Variants in MTMR11 observed in about 807,000 individuals in gnomAD.
The protein encoded by MTMR11 is myotubularin-related protein 11.
MTMR11 carries 89 observed loss-of-function variants against 100.0 expected under a neutral mutation model. The ratio of observed to expected loss-of-function variants is 0.89; its 90% CI spans 0.75 to 1.06. The LOEUF (loss-of-function observed/expected upper bound fraction) is 1.06. MTMR11 is among the 50% of genes least tolerant of loss of function. MTMR11 has a pLI of 0.00. For synonymous variants in MTMR11, 336 were observed against 326.3 expected (o/e 1.03, Z -0.32); for missense variants, 809 against 873.7 (o/e 0.93, Z 0.93).
chr1:149,930,855 C>A lies in MTMR11; in HGVS notation c.1401G>T (p.Arg467Ser), dbSNP rs782758928. 1 of 1,612,238 alleles carries A rather than the reference C, an allele frequency of 6.2e-7. No individual in the cohort carries two copies. The highest frequency in any genetic ancestry group is 8.5e-7 in the Non-Finnish European group (1 of 1,179,372). The change falls in exon 14 of 17, where the codon AGG becomes AGT. Residue 467 changes from arginine (R) to serine (S), a missense_variant. By Grantham distance (110) the Arg-to-Ser change is moderately radical. Coordinates refer to ENST00000439741, the MANE Select transcript of MTMR11 (RefSeq NM_001145862.2). ...TCAGGAAGGTAAGGGTGTCAGGAACCCTGACACTGTCATGAAGAGCAAGAA... is the reference window on the plus strand; with the variant it reads ...TCAGGAAGGTAAGGGTGTCAGGAACACTGACACTGTCATGAAGAGCAAGAA... ...FFLLALHDSV[R>S]VPDTLTFLRN...
chr1:149,928,955 A>T lies in MTMR11; in HGVS notation c.*174T>A, dbSNP rs782150111. 76 of 1,613,622 alleles carry T rather than the reference A, an allele frequency of 4.7e-5. No individual in the cohort carries two copies. Among genetic ancestry groups the T allele is most frequent in the Non-Finnish European group, 5.8e-5 (69 of 1,179,820 alleles). On this transcript the variant is annotated 3_prime_UTR_variant, in exon 17 of 17. Coordinates refer to ENST00000439741, the MANE Select transcript of MTMR11 (RefSeq NM_001145862.2). ...TTTTTGTTTCTTAATCCTTCAAATG[A>T]CAAGAAGCAAAAATATTTGTAGAAA...
At chr1:149,930,203 T>C in intron 15 of MTMR11, 162 bp downstream of exon 15, 1 of 788,072 alleles carries the variant, frequency 1.3e-6, no homozygotes, top group Non-Finnish European at 2.0e-6. Flanking sequence ...CTAGGTCTTC[T>C]GTCTTCCTAG....
intron 10 of MTMR11, among the ~76,000 whole-genome samples, 157 bp from the exon 11 acceptor site, chr1:149,932,487 T>G (rs192753135): frequency 5.3e-5 from 8 of 152,348 alleles, no homozygotes; most frequent in Non-Finnish European, 1.0e-4. Flanking sequence ...TGTACAACAT[T>G]GTAAATATAA....
At position 149,935,370 on chromosome 1, in the gene MTMR11, C is replaced by T. The variant is rs782264352; in HGVS notation, c.265-11G>A. The T allele has an allele frequency of 6.2e-7, 1 of 1,613,490 alleles. No individual in the cohort carries two copies. On this transcript the variant is annotated splice_polypyrimidine_tract_variant and intron_variant, in intron 3 of 16. Coordinates refer to ENST00000439741, the MANE Select transcript of MTMR11 (RefSeq NM_001145862.2). ...GTTCAAGGGAGTGTCCTAGACGAAACACGTGACTGGGTAGACATCTGAAAT... is the reference window on the plus strand; with the variant it reads ...GTTCAAGGGAGTGTCCTAGACGAAATACGTGACTGGGTAGACATCTGAAAT...
Position 149,929,207 on chromosome 1 carries a change from T to C in MTMR11, c.2052A>G (p.Lys684=), listed in dbSNP as rs781861807. Residue 684 remains lysine (K), a synonymous_variant, in exon 17 of 17, where the codon AAA becomes AAG. Transcript: ENST00000439741. ...GATTGAGAATGGTATGTGGATCTCT[T>C]TTCTTGGAGTGATCCTCAGGAGATA... ...PRISPEDHSK[K]RDPHTILNPT... 10 of 1,613,896 alleles carry C rather than the reference T, an allele frequency of 6.2e-6. No individual in the cohort carries two copies. The African/African-American group carries it at 1.2e-4, about 19-fold the overall frequency.
chr1:149,933,679 G>A lies in MTMR11; in HGVS notation c.791C>T (p.Pro264Leu). The A allele has an allele frequency of 6.2e-7, 1 of 1,614,214 alleles. No individual in the cohort carries two copies. Among genetic ancestry groups the A allele is most frequent in the Non-Finnish European group, 8.5e-7 (1 of 1,180,036 alleles). The change falls in exon 9 of 17, where the codon CCT (proline) becomes CTT (leucine). Residue 264 changes from proline (P) to leucine (L), a missense_variant. Coordinates refer to ENST00000439741, the MANE Select transcript of MTMR11 (RefSeq NM_001145862.2). ...GRGPRLSWHH[P>L]GGSDLLRCGG... ...ACAGCGGAGAAGATCACTGCCCCCA[G>A]GGTGATGCCAGGACAAGCGCTTCAC...
chr1:149,934,217 G>T lies in MTMR11; in HGVS notation c.657C>A (p.Val219=), dbSNP rs1553768418. 6.2e-7 allele frequency: 1 copy of T among 1,614,156 alleles called. No individual in the cohort carries two copies. The stretch of plus-strand genomic sequence containing the variant: ...TGGTGGCTACGTCGAACCTCTCGTT[G>T]ACCGTGCTGACCCTCCAGCCTCTGG... ...QAARGWRVST[V]NERFDVATSL... is the part of the protein sequence containing the mutation. The change falls in exon 7 of 17, where the codon GTC becomes GTA. Residue 219 remains valine, a synonymous_variant. Coordinates refer to ENST00000439741, the MANE Select transcript of MTMR11 (RefSeq NM_001145862.2).
rs1389882925 is a variant in MTMR11 at position 149,929,175 on chromosome 1, TCA to T, written c.2082_2083del (p.Glu695AsnfsTer21). On this transcript the variant is annotated frameshift_variant, in exon 17 of 17. Transcript: ENST00000439741. LOFTEE classifies it high-confidence loss of function. ...CCTGCCTTTGAGAATGCCAGCAATT[TCA>T]GTGGGATTGAGAATGGTATGTGGAT... is the stretch of plus-strand genomic sequence containing the variant. 6.2e-7 allele frequency: 1 copy of T among 1,613,936 alleles called. No individual in the cohort carries two copies. The highest frequency in any genetic ancestry group is 1.3e-5 in the African/African-American group (1 of 74,886).
Position 149,929,092 on chromosome 1 carries a change from A to C in MTMR11, c.*37T>G. 3.9e-6 allele frequency: 6 copies of C among 1,549,998 alleles called. No individual in the cohort carries two copies. The highest frequency in any genetic ancestry group is 5.2e-6 in the Non-Finnish European group (6 of 1,150,682). On this transcript the variant is annotated 3_prime_UTR_variant, in exon 17 of 17. Coordinates refer to ENST00000439741, the MANE Select transcript of MTMR11 (RefSeq NM_001145862.2). ...GAAAGCTGAGGCTGCAAGTGCAGAT[A>C]CAAAAAAAAAAAAAAAAGATTAGAC...
Position 149,936,671 on chromosome 1 carries a change from C to T in MTMR11, c.-24G>A, listed in dbSNP as rs782622082. ...ATTTCTCTGGCTCCATCCGGGGACA[C>T]AGCAGTTAAGGGTGGGAAACCTCAA... On this transcript the variant is annotated 5_prime_UTR_variant, in exon 1 of 17. It adds an upstream start codon to the 5' untranslated region. Coordinates refer to ENST00000439741, the MANE Select transcript of MTMR11 (RefSeq NM_001145862.2). 4.6e-5 allele frequency: 69 copies of T among 1,506,464 alleles called. No individual in the cohort carries two copies. Among genetic ancestry groups the T allele is most frequent in the Admixed American group, 7.9e-5 (4 of 50,814 alleles). The allele number at this position is 1,506,464 out of a possible 1,614,324, so 93.3% of individuals were successfully genotyped here.
chr1:149,929,888 C>A lies in MTMR11; in HGVS notation c.1676G>T (p.Ser559Ile). ...TCCTCTAGAGAAGAGCCACACAGAA[C>A]TGGGGGGTCCAGGAACCATGAAGCT... is the stretch of plus-strand genomic sequence containing the variant. Reference protein sequence around the residue: ...QPSFMVPGPPSSVWLFSRGAL... With the variant: ...QPSFMVPGPPISVWLFSRGAL... Residue 559 changes from serine (S) to isoleucine (I), a missense_variant, in exon 16 of 17, where the codon AGT becomes ATT. By Grantham distance (142) the Ser-to-Ile change is moderately radical. Coordinates refer to ENST00000439741, the MANE Select transcript of MTMR11 (RefSeq NM_001145862.2). 6.2e-7 allele frequency: 1 copy of A among 1,613,424 alleles called. No individual in the cohort carries two copies. Among genetic ancestry groups the A allele is most frequent in the East Asian group, 2.2e-5 (1 of 44,868 alleles).
chr1:149,932,257 G>A lies in MTMR11; in HGVS notation c.1052+7C>T. ...ATAAATGATGGCTAGAAGAAGCGAG[G>A]GAGTACCTGACATAGTCCAGCCATC... On this transcript the variant is annotated splice_region_variant and intron_variant, in intron 11 of 16. Coordinates refer to ENST00000439741, the MANE Select transcript of MTMR11 (RefSeq NM_001145862.2). 1.9e-6 allele frequency: 3 copies of A among 1,612,916 alleles called. No individual in the cohort carries two copies. The highest frequency in any genetic ancestry group is 2.5e-6 in the Non-Finnish European group (3 of 1,178,942).
chr1:149,936,749 T>C lies in MTMR11; in HGVS notation c.-102A>G, dbSNP rs1571562191. The C allele has an allele frequency of 7.7e-6, 6 of 782,874 alleles. No individual in the cohort carries two copies. In the East Asian group the frequency reaches 1.6e-4, roughly 21 times the overall value. The allele number at this position is 782,874 out of a possible 1,614,324, so 48.5% of individuals were successfully genotyped here. A position where few individuals can be genotyped will look rare whatever the true frequency, so the allele number is the denominator to read the frequency against. ...TGAGTCTTGTTGAGAAGAGGGGTGT[T>C]AGGGAGAGGGGTAGGGGGTTGGACA... On this transcript the variant is annotated 5_prime_UTR_variant, in exon 1 of 17. Transcript: ENST00000439741.
chr1:149,931,577 G>A, intron 12 of MTMR11, 151 bp from the exon 13 acceptor site: 2 of 699,076 alleles, frequency 2.9e-6, no homozygotes, highest in Non-Finnish European at 2.3e-6. Flanking sequence ...TAGAAGTGAA[G>A]AGAAAACAAA....
Position 149,936,412 on chromosome 1 carries a change from T to G in MTMR11, c.66+170A>C, listed in dbSNP as rs2092723065. 6.2e-6 allele frequency: 9 copies of G among 1,448,158 alleles called. 1 individual carries two copies. In the South Asian group the frequency reaches 1.3e-4, roughly 21 times the overall value. 89.7% of individuals were successfully genotyped at this position (1,448,158 alleles called of 1,614,324 possible). On this transcript the variant is annotated intron_variant, in intron 1 of 16. Transcript: ENST00000439741. ...AAGGGAGGGGCTGGTTAATGGATAATGAGACAACGAACTTGAGACTGAGAA... is the reference window on the plus strand; with the variant it reads ...AAGGGAGGGGCTGGTTAATGGATAAGGAGACAACGAACTTGAGACTGAGAA...
At position 149,933,536 on chromosome 1, in the gene MTMR11, G is replaced by T. The variant is rs587694216; in HGVS notation, c.861-6C>A. On this transcript the variant is annotated splice_polypyrimidine_tract_variant and splice_region_variant and intron_variant, in intron 9 of 16. Coordinates refer to ENST00000439741, the MANE Select transcript of MTMR11 (RefSeq NM_001145862.2). ...GGAGCATCAACTCCACTGCTCTGGAGGGGAGGGAGTCAGGAAATAAGGAGT... is the reference window on the plus strand; with the variant it reads ...GGAGCATCAACTCCACTGCTCTGGATGGGAGGGAGTCAGGAAATAAGGAGT... The T allele has an allele frequency of 6.2e-7, 1 of 1,614,046 alleles. No homozygotes were observed. The highest frequency in any genetic ancestry group is 1.7e-5 in the Admixed American group (1 of 60,024).
rs1553768841 is a variant in MTMR11 at position 149,935,320 on chromosome 1, TG to T, written c.303del (p.Asn102ThrfsTer5). On this transcript the variant is annotated frameshift_variant, in exon 4 of 17. Coordinates refer to ENST00000439741, the MANE Select transcript of MTMR11 (RefSeq NM_001145862.2). LOFTEE classifies it high-confidence loss of function. ...TTACCAGCCTCTAATCGTCCAATGT[TG>T]ACCAGGGCAAAATCGTATTCACTGT... ...PLNSEYDFAL[V>X]NIGRLEAVSG... 6.2e-7 allele frequency: 1 copy of T among 1,613,730 alleles called. No individual in the cohort carries two copies. The highest frequency in any genetic ancestry group is 1.7e-5 in the Admixed American group (1 of 60,006).
chr1:149,931,205 C>G (rs1201535758), intron 13 of MTMR11, 55 bp downstream of exon 13: 3 of 1,606,158 alleles, frequency 1.9e-6, no homozygotes, highest in African/African-American at 2.7e-5. Flanking sequence ...AATAATTTCT[C>G]ATTCTCTTAC....
intron 16 of MTMR11, 136 bp downstream of exon 16, chr1:149,929,487 G>T: frequency 1.6e-6 from 2 of 1,264,250 alleles, no homozygotes; most frequent in Non-Finnish European, 2.2e-6. Context: ...CCCAAACCTT[G>T]TTTGATGCCA....
Sources: gnomAD v4.1 joint callset for allele counts (sites outside exome capture counted in the v4.1 genomes callset) on GRCh38, gnomAD v4.1.1 for gene constraint, MANE v1.5 for transcripts, NCBI Gene and HGNC (gene_info 2026-07-23, HGNC 2026-07-21) for gene names.